The following KALRN variants were observed in gnomAD, a reference collection of about 807,000 sequenced individuals.
The protein encoded by KALRN is kalirin RhoGEF kinase.
In KALRN, 70 loss-of-function variants were observed where a neutral mutation model predicts 353.7. The ratio of observed to expected loss-of-function variants is 0.20; its 90% CI spans 0.16 to 0.24. The LOEUF is 0.24. KALRN is among the 10% of genes least tolerant of loss of function. The pLI, the probability that KALRN is intolerant of heterozygous loss-of-function variation, is 1.00. For synonymous variants in KALRN, 1,391 were observed against 1,434.8 expected, an observed-to-expected ratio of 0.97 and a Z score of 0.69; for missense variants, 2,791 against 3,756.7, an observed-to-expected ratio of 0.74 and a Z score of 6.72.
rs760852489 is a variant in KALRN at position 124,671,617 on chromosome 3, G to GGATTC, written c.6704-42_6704-38dup. ...CCTAAGAGGCCTCCAAATCCTTGTG[G>GGATTC]GATTCCCAAAGCTTAGAGTAACCAC... On this transcript the variant is annotated intron_variant, in intron 47 of 59. Coordinates refer to ENST00000682506, the MANE Select transcript of KALRN (RefSeq NM_001388419.1). 5.6e-6 allele frequency: 8 copies of GGATTC among 1,430,588 alleles called. No homozygotes were observed. The Admixed American group carries it at 1.4e-4, about 24-fold the overall frequency. 88.6% of individuals were successfully genotyped at this position (1,430,588 alleles called of 1,614,324 possible).
At chr3:124,319,037 T>G (rs2079070035) in intron 6 of KALRN, among the ~76,000 whole-genome samples, 1 of 152,172 alleles carries the variant, frequency 6.6e-6, no homozygotes, top group African/African-American at 2.4e-5. Context: ...AACCTGCTTA[T>G]TCTACTATAT....
At chr3:124,430,817 C>A in intron 16 of KALRN, 42 bp downstream of exon 16, 1 of 1,591,430 alleles carries the variant, frequency 6.3e-7, no homozygotes, top group South Asian at 1.1e-5. Flanking sequence ...CTTCGCCTTT[C>A]TGCTCTGTAC....
rs763771066 is a variant in KALRN at position 124,697,621 on chromosome 3, T to C, written c.7728T>C (p.Ile2576=). ...TTCCAGCAGCCCCTAACCGCCCCAT[T>C]GCCCAGGAGAGAAGCTGCACCTCCG... is the stretch of plus-strand genomic sequence containing the variant. ...QGVPAAPNRP[I]AQERSCTSVI... is the part of the protein sequence containing the mutation. Residue 2576 remains isoleucine (I), a synonymous_variant, in exon 55 of 60, where the codon ATT becomes ATC. Transcript: ENST00000682506. The C allele has an allele frequency of 1.9e-6, 3 of 1,611,556 alleles. No homozygotes were observed. The highest frequency in any genetic ancestry group is 4.5e-5 in the East Asian group (2 of 44,796).
intron 51 of KALRN, among the ~76,000 whole-genome samples, chr3:124,681,520 G>A (rs936973374): frequency 6.6e-6 from 1 of 151,902 alleles, no homozygotes; most frequent in African/African-American, 2.4e-5. Flanking sequence ...AAACTTTCAA[G>A]TAGCTGGAAC....
In KALRN at chr3:124,620,669, A is replaced by G. The variant is rs559447639; in HGVS notation, c.5183-11751A>G. ...GAGAATTTTCTCGCCTTTAACTTCC[A>G]GAGACAGCTAGATGGGGCAGTGAGT... On this transcript the variant is annotated intron_variant, in intron 34 of 59. Coordinates refer to ENST00000682506, the MANE Select transcript of KALRN (RefSeq NM_001388419.1). Among the ~76,000 whole-genome samples the G allele has an allele frequency of 8.5e-5, 13 of 152,336 alleles. No homozygotes were observed. In the East Asian group the frequency reaches 2.5e-3, roughly 29 times the overall value.
chr3:124,590,924 T>C (rs1408683914), intron 34 of KALRN, among the ~76,000 whole-genome samples: 1 of 152,204 alleles, frequency 6.6e-6, no homozygotes, highest in Non-Finnish European at 1.5e-5. Flanking sequence ...ACTAGCATCC[T>C]TTTCTGATAT....
intron 6 of KALRN, among the ~76,000 whole-genome samples, chr3:124,324,875 C>T (rs1286902697): frequency 6.6e-6 from 1 of 152,178 alleles, no homozygotes; most frequent in Non-Finnish European, 1.5e-5. Context: ...CATGTATAAT[C>T]ATTTGAGAAG....
chr3:124,569,833 G>A (rs910730976), intron 34 of KALRN, among the ~76,000 whole-genome samples: 22 of 152,162 alleles, frequency 1.4e-4, no homozygotes, highest in African/African-American at 5.1e-4. Context: ...TCTCTAGGAG[G>A]AGTGGTAGTA....
chr3:124,206,741 GT>G (rs770480936), intron 1 of KALRN, among the ~76,000 whole-genome samples: 29 of 152,162 alleles, frequency 1.9e-4, no homozygotes, highest in Admixed American at 3.3e-4. Flanking sequence ...GTACCAGCTG[GT>G]TTTAGTCAAC....
Position 124,712,978 on chromosome 3 carries a change from C to A in KALRN, c.8119C>A (p.Arg2707Ser). 6.2e-7 allele frequency: 1 copy of A among 1,613,994 alleles called. No homozygotes were observed. The highest frequency in any genetic ancestry group is 8.5e-7 in the Non-Finnish European group (1 of 1,179,988). ...IVKKCIHKATRKDVAVKFVSK... is the reference protein window; with the variant it reads ...IVKKCIHKATSKDVAVKFVSK... Reference sequence around the variant, plus strand: ...AAAGAAATGCATTCACAAAGCTACCCGCAAAGATGTGGCTGTGAAATTTGT... The same window carrying A: ...AAAGAAATGCATTCACAAAGCTACCAGCAAAGATGTGGCTGTGAAATTTGT... Residue 2707 changes from arginine (R) to serine (S), a missense_variant, in exon 58 of 60, where the codon CGC (arginine) becomes AGC (serine). Coordinates refer to ENST00000682506, the MANE Select transcript of KALRN (RefSeq NM_001388419.1).
chr3:124,195,859 C>T (rs558113459), intron 1 of KALRN, among the ~76,000 whole-genome samples: 8 of 152,210 alleles, frequency 5.3e-5, no homozygotes, highest in Non-Finnish European at 1.2e-4. Flanking sequence ...CACCTGCACT[C>T]TAGTGCACTT....
intron 5 of KALRN, among the ~76,000 whole-genome samples, chr3:124,284,304 G>T (rs139965490): frequency 1.6e-4 from 25 of 152,238 alleles, no homozygotes; most frequent in African/African-American, 6.0e-4. Flanking sequence ...TTGTGATCTG[G>T]TATCTCCCTA....
intron 19 of KALRN, among the ~76,000 whole-genome samples, chr3:124,443,616 A>G (rs539084825): frequency 6.6e-6 from 1 of 152,320 alleles, no homozygotes; most frequent in East Asian, 1.9e-4. Flanking sequence ...CCAAATGTAG[A>G]TGGGAGCTTG....
chr3:124,067,880 T>A (rs1479574876), intron 1 of KALRN, among the ~76,000 whole-genome samples: 1 of 152,236 alleles, frequency 6.6e-6, no homozygotes, highest in Non-Finnish European at 1.5e-5. Context: ...CTGACTAGGA[T>A]GTGAAGACAC....
chr3:124,485,452 G>A (rs1415853620), intron 28 of KALRN, among the ~76,000 whole-genome samples: 6 of 152,214 alleles, frequency 3.9e-5, no homozygotes, highest in Admixed American at 3.9e-4. Flanking sequence ...GTGGGCAGTC[G>A]AAGGAGTGGG....
At chr3:124,685,993 T>C (rs1348205439) in intron 51 of KALRN, among the ~76,000 whole-genome samples, 1 of 152,174 alleles carries the variant, frequency 6.6e-6, no homozygotes, top group Non-Finnish European at 1.5e-5. Context: ...TCAGTTCAAT[T>C]TCACACAATT....
chr3:124,228,429 G>T (rs1052593517), intron 2 of KALRN, among the ~76,000 whole-genome samples: 2 of 152,200 alleles, frequency 1.3e-5, no homozygotes, highest in East Asian at 1.9e-4. Context: ...TTTTAAAGGA[G>T]TTTTTGCTTC....
At chr3:124,246,191 C>T (rs75302656) in intron 3 of KALRN, among the ~76,000 whole-genome samples, 1,746 of 152,374 alleles carry the variant, frequency 0.011, 34 homozygotes, top group African/African-American at 0.04. Context: ...CTATTCTTTG[C>T]ATTTCCCTAA....
chr3:124,155,601 CAAGACAGTTA>C (rs1449614195), intron 1 of KALRN, among the ~76,000 whole-genome samples: 1 of 152,164 alleles, frequency 6.6e-6, no homozygotes, highest in Non-Finnish European at 1.5e-5. Flanking sequence ...AGTTCACAAA[CAAGACAGTTA>C]AGAAACCATC....
Sources: gnomAD v4.1 joint callset for allele counts (sites outside exome capture counted in the v4.1 genomes callset) on GRCh38, gnomAD v4.1.1 for gene constraint, MANE v1.5 for transcripts, NCBI Gene and HGNC (gene_info 2026-07-23, HGNC 2026-07-21) for gene names.